Variants in GCN1 observed in about 807,000 individuals in gnomAD.
The protein encoded by GCN1 is stalled ribosome sensor GCN1.
A neutral mutation model predicts 288.4 loss-of-function variants in GCN1; 90 were observed. That is an observed-to-expected ratio of 0.31 (90% CI 0.26 to 0.37). The LOEUF (loss-of-function observed/expected upper bound fraction) is 0.37. Ranked by LOEUF, GCN1 falls within the 10% of genes least tolerant of loss-of-function variation. GCN1 has a pLI of 1.00. For synonymous variants in GCN1, 1,386 were observed against 1,420.2 expected (o/e 0.98, Z 0.54); for missense variants, 2,586 against 3,419.9 (o/e 0.76, Z 6.08).
In GCN1 at chr12:120,178,943, A is replaced by G. The variant is rs768107226; in HGVS notation, c.434T>C (p.Val145Ala). Reference protein sequence around the residue: ...QGDIWNKLVEVQCLLLLEVLG... With the variant: ...QGDIWNKLVEAQCLLLLEVLG... ...CACCTCCAGCAAGAGCAGGCACTGC[A>G]CTTCCACCTGCCAGGACCAGGGAAG... is the stretch of plus-strand genomic sequence containing the variant. Residue 145 changes from valine (V) to alanine (A), a missense_variant, in exon 6 of 58, where the codon GTG (valine) becomes GCG (alanine). Coordinates refer to ENST00000300648, the MANE Select transcript of GCN1 (RefSeq NM_006836.2). The G allele has an allele frequency of 2.5e-6, 4 of 1,613,078 alleles. No homozygotes were observed. Among genetic ancestry groups the G allele is most frequent in the African/African-American group, 1.3e-5 (1 of 75,034 alleles).
In GCN1 at chr12:120,158,000, G is replaced by C; in HGVS notation, c.2936C>G (p.Ser979Cys). ...CATCTTCAGAAACGGGAAGACTAAG[G>C]AGAAGGCTGGCGCGGACAAGGGCGC... ...GAAPLSAPAFSLVFPFLKMVL... is the reference protein window; with the variant it reads ...GAAPLSAPAFCLVFPFLKMVL... The change falls in exon 26 of 58, where the codon TCC becomes TGC. Residue 979 changes from serine (S) to cysteine (C), a missense_variant. By Grantham distance (112) the Ser-to-Cys change is moderately radical (BLOSUM62 -1). This residue lies in a region of GCN1 where 153 missense variants were observed against 252.0 expected (regional missense o/e 0.61). Coordinates refer to ENST00000300648, the MANE Select transcript of GCN1 (RefSeq NM_006836.2). The C allele has an allele frequency of 6.2e-7, 1 of 1,613,976 alleles. No individual in the cohort carries two copies.
intron 44 of GCN1, 78 bp from the exon 45 acceptor site, chr12:120,141,101 C>A: frequency 8.3e-7 from 1 of 1,211,724 alleles, no homozygotes; most frequent in Admixed American, 2.0e-5. Flanking sequence ...AGAATGAGGG[C>A]CCTGAAACCT....
intron 14 of GCN1, 131 bp downstream of exon 14, chr12:120,173,522 T>C: frequency 1.5e-6 from 1 of 656,856 alleles, no homozygotes; most frequent in Non-Finnish European, 2.7e-6. Context: ...AATGCTCTCA[T>C]TTATTTCAGG....
At chr12:120,180,163 G>C (rs564901758) in intron 5 of GCN1, among the ~76,000 whole-genome samples, 6 of 152,102 alleles carry the variant, frequency 3.9e-5, no homozygotes, top group Non-Finnish European at 8.8e-5. Context: ...AAAATTAGCT[G>C]GGTGTGGTGG....
Position 120,155,580 on chromosome 12 carries a change from T to C in GCN1, c.3440+12A>G. On this transcript the variant is annotated intron_variant, in intron 29 of 57. Transcript: ENST00000300648. The surrounding 1 kb of genome is among the most constrained non-coding windows in gnomAD (Gnocchi z 4.9). Reference sequence around the variant, plus strand: ...GATGCAGCAGGAGAAAGCGACATGCTGGCTCTCTCACCTCTCAGCCAGCTT... The same window carrying C: ...GATGCAGCAGGAGAAAGCGACATGCCGGCTCTCTCACCTCTCAGCCAGCTT... 6.2e-7 allele frequency: 1 copy of C among 1,614,074 alleles called. No homozygotes were observed. The highest frequency in any genetic ancestry group is 8.5e-7 in the Non-Finnish European group (1 of 1,179,936).
At chr12:120,183,982 C>T (rs1442354502) in intron 4 of GCN1, 130 bp downstream of exon 4, 2 of 870,582 alleles carry the variant, frequency 2.3e-6, no homozygotes, top group Admixed American at 5.2e-5. Flanking sequence ...CAACCCTGCT[C>T]CTCGGGAAAG....
rs1013231633 is a variant in GCN1 at position 120,143,587 on chromosome 12, GGA to G, written c.5496-648_5496-647del. ...ACAGAGCGAGACTCCGTCTCAAAAA[GGA>G]AAAAAAAAAAAAAAAGACCACTGTA... On this transcript the variant is annotated intron_variant, in intron 42 of 57. Coordinates refer to ENST00000300648, the MANE Select transcript of GCN1 (RefSeq NM_006836.2). Among the ~76,000 whole-genome samples the G allele has an allele frequency of 6.0e-5, 8 of 132,694 alleles. No individual in the cohort carries two copies. The South Asian group carries it at 6.8e-4, about 11-fold the overall frequency. 87.1% of individuals were successfully genotyped at this position (132,694 alleles called of 152,430 possible).
At chr12:120,129,172 C>T (rs1412569572) in intron 57 of GCN1, 104 bp downstream of exon 57, 35 of 926,074 alleles carry the variant, frequency 3.8e-5, no homozygotes, top group Non-Finnish European at 5.8e-5. Flanking sequence ...CTAGCACATC[C>T]GTGGTGGCAG....
In GCN1 at chr12:120,162,982, A is replaced by C. The variant is rs1877978258; in HGVS notation, c.2039-11T>G. 1.2e-6 allele frequency: 2 copies of C among 1,614,208 alleles called. No homozygotes were observed. The highest frequency in any genetic ancestry group is 2.7e-5 in the African/African-American group (2 of 75,068). On this transcript the variant is annotated splice_polypyrimidine_tract_variant and intron_variant, in intron 19 of 57. Transcript: ENST00000300648. ...CAGACTGCACGGCAACTGAAGGGGA[A>C]GGGAGCTCTTTGAGGCCTTCTGCCT...
Position 120,137,963 on chromosome 12 carries a change from C to G in GCN1, c.6331G>C (p.Val2111Leu). ...AGDALTRHLGVILPAVMLALK... is the reference protein window; with the variant it reads ...AGDALTRHLGLILPAVMLALK... ...GCCAGCATGACCGCTGGGAGGATCACGCCAAGATGACGGGTGAGGGCATCA... is the reference window on the plus strand; with the variant it reads ...GCCAGCATGACCGCTGGGAGGATCAGGCCAAGATGACGGGTGAGGGCATCA... The change falls in exon 48 of 58, where the codon GTG becomes CTG. Residue 2111 changes from valine (V) to leucine (L), a missense_variant. Physicochemically the swap from Val to Leu is conservative, Grantham distance 32 (BLOSUM62 1). Around this residue, in one of 8 missense-constraint regions of GCN1, gnomAD observed 437 missense variants for 570.5 expected, o/e 0.77. Transcript: ENST00000300648. This position sits in a 1 kb window ranked among gnomAD's most constrained non-coding sequence, Gnocchi z 5.2. 6.2e-7 allele frequency: 1 copy of G among 1,614,130 alleles called. No individual in the cohort carries two copies. The highest frequency in any genetic ancestry group is 8.5e-7 in the Non-Finnish European group (1 of 1,180,010).
chr12:120,183,190 G>T (rs1210023690), intron 5 of GCN1, among the ~76,000 whole-genome samples: 1 of 152,172 alleles, frequency 6.6e-6, no homozygotes, highest in Non-Finnish European at 1.5e-5. Flanking sequence ...GGAATGGAAT[G>T]ATCAGCCAGA....
At position 120,170,299 on chromosome 12, in the gene GCN1, C is replaced by T; in HGVS notation, c.1389G>A (p.Leu463=). The T allele has an allele frequency of 6.2e-7, 1 of 1,614,134 alleles. No individual in the cohort carries two copies. The highest frequency in any genetic ancestry group is 8.5e-7 in the Non-Finnish European group (1 of 1,179,996). ...SYRGDTLLQA[L]DLLPLLIQTV... ...TCTGGATGAGCAAGGGCAGTAAGTC[C>T]AGGGCCTGCAACAGCGTGTCACCTG... is the stretch of plus-strand genomic sequence containing the variant. The change falls in exon 15 of 58, where the codon CTG becomes CTA. Residue 463 remains leucine (L), a synonymous_variant. Coordinates refer to ENST00000300648, the MANE Select transcript of GCN1 (RefSeq NM_006836.2).
chr12:120,156,831 A>G lies in GCN1; in HGVS notation c.3168+81T>C, dbSNP rs1812341424. ...CAAAAGTAAGGGCTGAAAGGAAACT[A>G]GGACTCCACCCTTTACACTGGGACT... On this transcript the variant is annotated intron_variant, in intron 27 of 57. Coordinates refer to ENST00000300648, the MANE Select transcript of GCN1 (RefSeq NM_006836.2). The surrounding 1 kb of genome is among the most constrained non-coding windows in gnomAD (Gnocchi z 5.8). The G allele has an allele frequency of 9.5e-7, 1 of 1,058,124 alleles. No individual in the cohort carries two copies. Among genetic ancestry groups the G allele is most frequent in the African/African-American group, 1.6e-5 (1 of 64,482 alleles). The allele number at this position is 1,058,124 out of a possible 1,614,324, so 65.5% of individuals were successfully genotyped here. A position where few individuals can be genotyped will look rare whatever the true frequency, so the allele number is the denominator to read the frequency against.
intron 36 of GCN1, 28 bp downstream of exon 36, chr12:120,149,578 G>A (rs1877472775): frequency 1.3e-6 from 2 of 1,500,468 alleles, no homozygotes; most frequent in Admixed American, 1.7e-5. Flanking sequence ...CAGGAAGCTG[G>A]GAAGAGAGGC....
At chr12:120,162,758 C>T (rs1401128561) in intron 20 of GCN1, 89 bp downstream of exon 20, 44 of 1,417,022 alleles carry the variant, frequency 3.1e-5, no homozygotes, top group Admixed American at 1.4e-4. Context: ...TCCATCTTCA[C>T]CTGCTTCTTT....
rs1877094802 is a variant in GCN1 at position 120,138,817 on chromosome 12, T to G, written c.6034A>C (p.Lys2012Gln). 4.3e-6 allele frequency: 7 copies of G among 1,613,784 alleles called. No homozygotes were observed. Among genetic ancestry groups the G allele is most frequent in the Non-Finnish European group, 5.1e-6 (6 of 1,179,730 alleles). Residue 2012 changes from lysine to glutamine, a missense_variant, in exon 46 of 58, where the codon AAG becomes CAG. Lys to Gln is a moderately conservative substitution (Grantham distance 53, BLOSUM62 1). Transcript: ENST00000300648. ...FSESLVPTARKALCDPLEEVR... is the reference protein window; with the variant it reads ...FSESLVPTARQALCDPLEEVR... ...TCCTCCAGTGGGTCACACAAAGCCT[T>G]CCTTGCCGTGGGCACGAGGGATTCA... is the stretch of plus-strand genomic sequence containing the variant.
chr12:120,134,334 T>C lies in GCN1; in HGVS notation c.7274A>G (p.Lys2425Arg). 1 of 1,614,080 alleles carries C rather than the reference T, an allele frequency of 6.2e-7. No individual in the cohort carries two copies. The highest frequency in any genetic ancestry group is 1.1e-5 in the South Asian group (1 of 91,076). ...GCTCAGCAGGAGTGAGACGATGTTT[T>C]TCCGGATGACGGCATCCACTTTGGC... ...AGAKVDAVIRKNIVSLLLSML... is the reference protein window; with the variant it reads ...AGAKVDAVIRRNIVSLLLSML... Residue 2425 changes from lysine (K) to arginine (R), a missense_variant, in exon 53 of 58, where the codon AAA becomes AGA. This residue lies in a region of GCN1 where 355 missense variants were observed against 431.1 expected (regional missense o/e 0.82). Transcript: ENST00000300648. The surrounding 1 kb of genome is among the most constrained non-coding windows in gnomAD (Gnocchi z 5.0).
At chr12:120,174,859 T>C (rs1301410790) in intron 12 of GCN1, among the ~76,000 whole-genome samples, 1 of 146,262 alleles carries the variant, frequency 6.8e-6, no homozygotes, top group Non-Finnish European at 1.5e-5. Context: ...AGAAATCCTG[T>C]ACCTGCCTGT....
Position 120,179,980 on chromosome 12 carries a change from G to C in GCN1, c.427-1030C>G, listed in dbSNP as rs531349551. ...CATGGAGCTCACACCGTCCAACCCA[G>C]ATTGACATACATAATAGGTCCTTGA... is the stretch of plus-strand genomic sequence containing the variant. On this transcript the variant is annotated intron_variant, in intron 5 of 57. Transcript: ENST00000300648. Among the ~76,000 whole-genome samples the C allele has an allele frequency of 4.6e-5, 7 of 152,228 alleles. No individual in the cohort carries two copies. The South Asian group carries it at 1.5e-3, about 32-fold the overall frequency.
Sources: allele counts gnomAD v4.1 joint callset (sites outside exome capture counted in the v4.1 genomes callset), GRCh38; gene constraint gnomAD v4.1.1; regional missense constraint gnomAD v4.1.1; non-coding constraint Gnocchi (gnomAD v3.1); transcripts MANE v1.5; gene names NCBI Gene and HGNC (gene_info 2026-07-23, HGNC 2026-07-21).